RNF220: variants seen among roughly 807,000 people sequenced by gnomAD.
RNF220 encodes E3 ubiquitin-protein ligase RNF220.
In RNF220, 7 loss-of-function variants were observed where a neutral mutation model predicts 67.1. That is an observed-to-expected ratio of 0.10 (90% CI 0.06 to 0.20). The LOEUF (loss-of-function observed/expected upper bound fraction) is 0.20. Among genes scored for constraint, RNF220 ranks in the 10% least tolerant of loss-of-function variants. RNF220 has a pLI of 1.00. For synonymous variants in RNF220, 270 were observed against 283.2 expected (o/e 0.95, Z 0.47); for missense variants, 565 against 740.3 (o/e 0.76, Z 2.75).
chr1:44,484,711 C>T (rs2148032997), intron 2 of RNF220, among the ~76,000 whole-genome samples: 1 of 152,278 alleles, frequency 6.6e-6, no homozygotes, highest in Non-Finnish European at 1.5e-5. Flanking sequence ...ATCTGATTGT[C>T]TCTCTTCAAC....
At chr1:44,474,106 A>G (rs1655062438) in intron 2 of RNF220, among the ~76,000 whole-genome samples, 2 of 152,244 alleles carry the variant, frequency 1.3e-5, no homozygotes, top group South Asian at 2.1e-4. Flanking sequence ...CGGGTGTGGT[A>G]GCTCACGCCT....
At chr1:44,474,375 CAAAAAT>C (rs1655096971) in intron 2 of RNF220, among the ~76,000 whole-genome samples, 1 of 91,202 alleles carries the variant, frequency 1.1e-5, no homozygotes, top group Non-Finnish European at 2.0e-5. Context: ...ACTCTGTCTC[CAAAAAT>C]AATAATAATA....
chr1:44,608,153 G>A (rs1382040425), intron 2 of RNF220, among the ~76,000 whole-genome samples: 2 of 151,442 alleles, frequency 1.3e-5, no homozygotes, highest in East Asian at 3.9e-4. Flanking sequence ...TCAAACTCCT[G>A]GCCTTAAGCA....
At chr1:44,522,760 C>T (rs539097483) in intron 2 of RNF220, among the ~76,000 whole-genome samples, 3 of 152,306 alleles carry the variant, frequency 2.0e-5, no homozygotes, top group East Asian at 1.9e-4. Context: ...TAGGGAAACT[C>T]GATCTTAGTT....
chr1:44,420,603 T>A (rs1172722773), intron 2 of RNF220, among the ~76,000 whole-genome samples: 2 of 152,164 alleles, frequency 1.3e-5, no homozygotes, highest in African/African-American at 4.8e-5. Context: ...CCTTTGAGCC[T>A]CAACTCGAAG....
At chr1:44,644,158 CCA>C (rs907642245) in intron 8 of RNF220, 4 of 155,838 alleles carry the variant, frequency 2.6e-5, no homozygotes, top group African/African-American at 9.6e-5. Context: ...GCTTCAGACA[CCA>C]AATATTTGAA....
At chr1:44,551,203 C>T (rs1662603428) in intron 2 of RNF220, among the ~76,000 whole-genome samples, 1 of 150,534 alleles carries the variant, frequency 6.6e-6, no homozygotes, top group South Asian at 2.1e-4. Flanking sequence ...CAACCTTCGC[C>T]TTCTGGATTC....
chr1:44,456,037 T>C (rs1481571013), intron 2 of RNF220, among the ~76,000 whole-genome samples: 1 of 152,284 alleles, frequency 6.6e-6, no homozygotes, highest in East Asian at 1.9e-4. Flanking sequence ...TGTGAAAATA[T>C]TGCTAGAGTG....
intron 2 of RNF220, among the ~76,000 whole-genome samples, chr1:44,506,845 C>T (rs1658473693): frequency 6.6e-6 from 1 of 152,144 alleles, no homozygotes; most frequent in Non-Finnish European, 1.5e-5. Context: ...GGGCAAAAAT[C>T]CCTGCCTTAT....
chr1:44,483,414 G>A (rs924699624), intron 2 of RNF220, among the ~76,000 whole-genome samples: 1 of 152,172 alleles, frequency 6.6e-6, no homozygotes, highest in South Asian at 2.1e-4. Flanking sequence ...ATTTTAGAAA[G>A]CATCTCAACA....
At chr1:44,576,548 C>T (rs1664817251) in intron 2 of RNF220, among the ~76,000 whole-genome samples, 1 of 152,054 alleles carries the variant, frequency 6.6e-6, no homozygotes, top group African/African-American at 2.4e-5. Context: ...CAAGGAGAAG[C>T]CAGTGGCTGG....
chr1:44,418,578 C>A (rs1329474646), intron 2 of RNF220, among the ~76,000 whole-genome samples: 3 of 151,812 alleles, frequency 2.0e-5, no homozygotes, highest in African/African-American at 7.3e-5. Context: ...GGGAAGTTTT[C>A]CGGGGCTGCC....
rs567314592 is a variant in RNF220 at position 44,415,754 on chromosome 1, T to C, written c.625+3032T>C. On this transcript the variant is annotated intron_variant, in intron 2 of 14. Transcript: ENST00000361799. ...GTGTGTCCTTTACTTAGAGCAGAAGTTTTTATGACTGAGTTTTAGGTCATT... is the reference window on the plus strand; with the variant it reads ...GTGTGTCCTTTACTTAGAGCAGAAGCTTTTATGACTGAGTTTTAGGTCATT... 1.3e-4 allele frequency among the ~76,000 whole-genome samples: 20 copies of C among 152,204 alleles called. No homozygotes were observed. The South Asian group carries it at 3.5e-3, about 27-fold the overall frequency.
Position 44,435,705 on chromosome 1 carries a change from G to A in RNF220, c.625+22983G>A, listed in dbSNP as rs192829600. On this transcript the variant is annotated intron_variant, in intron 2 of 14. Coordinates refer to ENST00000361799, the MANE Select transcript of RNF220 (RefSeq NM_018150.4). ...AGCACTTTGGGAGGCCGAGGTGGGC[G>A]GATTACTTGAGGTCAGGAGTTTGAG... Among the ~76,000 whole-genome samples the A allele has an allele frequency of 3.4e-4, 52 of 152,264 alleles. No individual in the cohort carries two copies. In the East Asian group the frequency reaches 9.8e-3, roughly 29 times the overall value.
At chr1:44,416,483 TC>T (rs1437532789) in intron 2 of RNF220, among the ~76,000 whole-genome samples, 1 of 152,242 alleles carries the variant, frequency 6.6e-6, no homozygotes, top group Non-Finnish European at 1.5e-5. Flanking sequence ...CTGGCTCCTG[TC>T]ATGTGCATAT....
chr1:44,441,203 G>A (rs1200949683), intron 2 of RNF220, among the ~76,000 whole-genome samples: 1 of 152,182 alleles, frequency 6.6e-6, no homozygotes, highest in Non-Finnish European at 1.5e-5. Context: ...TAGTGTGTCA[G>A]GCCGTGCCTC....
At position 44,578,937 on chromosome 1, in the gene RNF220, G is replaced by A. The variant is rs529884997; in HGVS notation, c.626-35228G>A. 5.3e-5 allele frequency among the ~76,000 whole-genome samples: 8 copies of A among 152,064 alleles called. No individual in the cohort carries two copies. The East Asian group carries it at 1.2e-3, about 22-fold the overall frequency. On this transcript the variant is annotated intron_variant, in intron 2 of 14. Coordinates refer to ENST00000361799, the MANE Select transcript of RNF220 (RefSeq NM_018150.4). ...TCCCAGCACTTTGGGAGGCCGAGGC[G>A]GGTGGATCACGAGGTCAGGAGATTG...
At chr1:44,563,001 G>A (rs769287915) in intron 2 of RNF220, among the ~76,000 whole-genome samples, 2 of 152,174 alleles carry the variant, frequency 1.3e-5, no homozygotes, top group Non-Finnish European at 2.9e-5. Flanking sequence ...GGGAACAATA[G>A]ACACTACCCT....
intron 2 of RNF220, among the ~76,000 whole-genome samples, chr1:44,539,299 T>C (rs1049705609): frequency 1.3e-5 from 2 of 152,198 alleles, no homozygotes; most frequent in African/African-American, 2.4e-5. Flanking sequence ...AGGTCTTTCC[T>C]GACTCTCTGA....
Sources: allele counts gnomAD v4.1 joint callset (sites outside exome capture counted in the v4.1 genomes callset), GRCh38; gene constraint gnomAD v4.1.1; transcripts MANE v1.5; gene names NCBI Gene and HGNC (gene_info 2026-07-23, HGNC 2026-07-21).